C16orf96: variants seen among roughly 807,000 people sequenced by gnomAD.
C16orf96 encodes the protein uncharacterized protein C16orf96.
In C16orf96, 108 loss-of-function variants were observed where a neutral mutation model predicts 103.6. The observed-to-expected ratio is 1.04, with a 90% CI of 0.89 to 1.22. The LOEUF (loss-of-function observed/expected upper bound fraction) is 1.22. C16orf96 is among the 50% of genes most tolerant of loss of function. C16orf96 has a pLI of 0.00. For missense variants in C16orf96, 1,586 were observed against 1,464.2 expected, an observed-to-expected ratio of 1.08 and a Z score of -1.36; for synonymous variants, 566 against 593.5, an observed-to-expected ratio of 0.95 and a Z score of 0.67.
At chr16:4,562,749 A>C (rs562566934) in intron 1 of C16orf96, 73 of 720,700 alleles carry the variant, frequency 1.0e-4, no homozygotes, top group Middle Eastern at 4.4e-4. Flanking sequence ...AACAAAAGCC[A>C]ATGTAAAAAG....
At chr16:4,544,508 G>A in the C16orf96 span, among the ~76,000 whole-genome samples, 1 of 152,202 alleles carries the variant, frequency 6.6e-6, no homozygotes, top group Non-Finnish European at 1.5e-5. Context: ...TCCAGAGACT[G>A]AGGTGGGAGG....
At chr16:4,554,745 C>T (rs1018583391), upstream of C16orf96, among the ~76,000 whole-genome samples, 5 of 151,738 alleles carry the variant, frequency 3.3e-5, no homozygotes, top group Admixed American at 1.3e-4. Context: ...CTCTGCCTCC[C>T]GGGTTCAAGT....
chr16:4,563,280 C>T (rs1386878877), intron 1 of C16orf96, among the ~76,000 whole-genome samples: 1 of 152,140 alleles, frequency 6.6e-6, no homozygotes, highest in Non-Finnish European at 1.5e-5. Flanking sequence ...GGCAGGGTCT[C>T]ACTCTGTCGC....
intron 2 of C16orf96, among the ~76,000 whole-genome samples, chr16:4,573,159 G>A (rs906811417): frequency 6.6e-6 from 1 of 152,000 alleles, no homozygotes; most frequent in Non-Finnish European, 1.5e-5. Flanking sequence ...CCTTCTCGGC[G>A]GGGCCTGGTG....
chr16:4,598,106 C>T (rs1252762804), intron 14 of C16orf96, among the ~76,000 whole-genome samples: 2 of 152,154 alleles, frequency 1.3e-5, no homozygotes, highest in Admixed American at 1.3e-4. Flanking sequence ...AATCCCAGCA[C>T]TTTGGGAAGC....
At position 4,588,235 on chromosome 16, in the gene C16orf96, G is replaced by C. The variant is rs373780891; in HGVS notation, c.2496G>C (p.Leu832=). 6.4e-7 allele frequency: 1 copy of C among 1,551,584 alleles called. No individual in the cohort carries two copies. Among genetic ancestry groups the C allele is most frequent in the African/African-American group, 1.4e-5 (1 of 73,050 alleles). ...ACCTGGAGACTGTGGCCTTGGAGCT[G>C]AACGAGATGATTCAGGGCATACTCT... is the stretch of plus-strand genomic sequence containing the variant. ...RVDLETVALE[L]NEMIQGILFK... Residue 832 remains leucine (L), a synonymous_variant, in exon 9 of 16, where the codon CTG becomes CTC. Transcript: ENST00000444310.
chr16:4,570,401 A>C (rs1339071043), intron 1 of C16orf96, among the ~76,000 whole-genome samples: 1 of 150,414 alleles, frequency 6.6e-6, no homozygotes, highest in African/African-American at 2.4e-5. Context: ...TATATCTTCC[A>C]GATAGTTTGG....
rs1244044047 is a variant in C16orf96, at chr16:4,576,515, A to G, written c.2035A>G (p.Lys679Glu). Reference protein sequence around the residue: ...ATKQAMSPEDKKRAVKYSMSH... With the variant: ...ATKQAMSPEDEKRAVKYSMSH... ...CAAGCAGGCCATGAGCCCTGAAGAC[A>G]AGAAGAGGGCTGTCAAGTATTCCAT... The change falls in exon 5 of 16, where the codon AAG (lysine) becomes GAG (glutamate). Residue 679 changes from lysine (K) to glutamate (E), a missense_variant. Lys to Glu is a moderately conservative substitution (Grantham distance 56, BLOSUM62 1). Coordinates refer to ENST00000444310, the MANE Select transcript of C16orf96 (RefSeq NM_001145011.2). 1.9e-6 allele frequency: 3 copies of G among 1,551,576 alleles called. No homozygotes were observed. In the South Asian group the frequency reaches 3.6e-5, roughly 18 times the overall value.
intron 1 of C16orf96, among the ~76,000 whole-genome samples, chr16:4,559,660 C>T (rs1350240667): frequency 6.6e-6 from 1 of 152,130 alleles, no homozygotes; most frequent in Non-Finnish European, 1.5e-5. Flanking sequence ...AATTCGGTGG[C>T]ACACGATATA....
In C16orf96 at chr16:4,587,641, A is replaced by G. The variant is rs113952488; in HGVS notation, c.2428-526A>G. On this transcript the variant is annotated intron_variant, in intron 8 of 15. Coordinates refer to ENST00000444310, the MANE Select transcript of C16orf96 (RefSeq NM_001145011.2). ...AGGATTATTAACACTCTACTTGAAA[A>G]TCACACATCAGCTGTGCACAGGGTG... Among the ~76,000 whole-genome samples the G allele has an allele frequency of 8.8e-3, 1,335 of 152,106 alleles. 16 individuals are homozygous for G. The highest frequency in any genetic ancestry group is 0.017 in the Admixed American group (266 of 15,244).
At position 4,600,333 on chromosome 16, in the gene C16orf96, GC is replaced by G. The variant is rs758600131; in HGVS notation, c.*22del. On this transcript the variant is annotated 3_prime_UTR_variant, in exon 16 of 16. Coordinates refer to ENST00000444310, the MANE Select transcript of C16orf96 (RefSeq NM_001145011.2). ...CAACCCGTGAGCCCCACCCCGCTGCGCCCCCCATCGCCAAGTCCCCTCCACG... is the reference window on the plus strand; with the variant it reads ...CAACCCGTGAGCCCCACCCCGCTGCGCCCCCATCGCCAAGTCCCCTCCACG... 5 of 1,499,830 alleles carry G rather than the reference GC, an allele frequency of 3.3e-6. No homozygotes were observed. The African/African-American group carries it at 4.6e-5, about 14-fold the overall frequency. The allele number at this position is 1,499,830 out of a possible 1,614,324, so 92.9% of individuals were successfully genotyped here.
chr16:4,588,261 T>G lies in C16orf96; in HGVS notation c.2522T>G (p.Phe841Cys). The G allele has an allele frequency of 6.4e-7, 1 of 1,551,688 alleles. No homozygotes were observed. Among genetic ancestry groups the G allele is most frequent in the Non-Finnish European group, 8.7e-7 (1 of 1,147,004 alleles). The change falls in exon 9 of 16, where the codon TTC becomes TGC. Residue 841 changes from phenylalanine to cysteine, a missense_variant. Physicochemically the swap from Phe to Cys is radical, Grantham distance 205 (BLOSUM62 -2). Coordinates refer to ENST00000444310, the MANE Select transcript of C16orf96 (RefSeq NM_001145011.2). ...ELNEMIQGIL[F>C]KVTIHEDSWK... ...AACGAGATGATTCAGGGCATACTCT[T>G]CAAGGTCACGATCCATGAGGACAGC...
chr16:4,546,781 C>T, the C16orf96 span, among the ~76,000 whole-genome samples: 1 of 151,954 alleles, frequency 6.6e-6, no homozygotes, highest in Non-Finnish European at 1.5e-5. Context: ...CTCTGGTTTT[C>T]TTTGACACAA....
intron 1 of C16orf96, among the ~76,000 whole-genome samples, chr16:4,570,572 C>A (rs2059427236): frequency 6.7e-6 from 1 of 150,350 alleles, no homozygotes; most frequent in South Asian, 2.1e-4. Context: ...TCAAGTGATT[C>A]TCCTGCCCCA....
In C16orf96 at chr16:4,594,818, G is replaced by A. The variant is rs774595867; in HGVS notation, c.3127+15G>A. 4 of 1,548,650 alleles carry A rather than the reference G, an allele frequency of 2.6e-6. No individual in the cohort carries two copies. Among genetic ancestry groups the A allele is most frequent in the Non-Finnish European group, 3.5e-6 (4 of 1,146,266 alleles). On this transcript the variant is annotated intron_variant, in intron 14 of 15. Coordinates refer to ENST00000444310, the MANE Select transcript of C16orf96 (RefSeq NM_001145011.2). The stretch of plus-strand genomic sequence containing the variant: ...GGAGCTGGCAGGTGAGGGGCGTAGG[G>A]CTCCCTGGGGCACCCTTGCCTGGGG...
intron 7 of C16orf96, among the ~76,000 whole-genome samples, chr16:4,582,389 T>C (rs778301489): frequency 3.3e-5 from 5 of 152,054 alleles, no homozygotes; most frequent in African/African-American, 7.2e-5. Context: ...TGGGATGCAC[T>C]GGGGTGTGTT....
In C16orf96 at chr16:4,574,753, A is replaced by G; in HGVS notation, c.570A>G (p.Ile190Met). The G allele has an allele frequency of 6.4e-7, 1 of 1,551,866 alleles. No homozygotes were observed. Among genetic ancestry groups the G allele is most frequent in the South Asian group, 1.2e-5 (1 of 84,062 alleles). Residue 190 changes from isoleucine (I) to methionine (M), a missense_variant, in exon 3 of 16, where the codon ATA (isoleucine) becomes ATG (methionine). Coordinates refer to ENST00000444310, the MANE Select transcript of C16orf96 (RefSeq NM_001145011.2). ...RMDIFAEDFK[I>M]QNWKMVALQR... ...ACATCTTTGCTGAAGACTTCAAAAT[A>G]CAGAACTGGAAGATGGTTGCACTGC...
In C16orf96 at chr16:4,575,833, C is replaced by A. The variant is rs774710898; in HGVS notation, c.1353C>A (p.Leu451=). The A allele has an allele frequency of 1.3e-6, 2 of 1,551,198 alleles. No individual in the cohort carries two copies. The highest frequency in any genetic ancestry group is 1.4e-5 in the African/African-American group (1 of 73,132). The change falls in exon 5 of 16, where the codon CTC becomes CTA. Residue 451 remains leucine, a synonymous_variant. Coordinates refer to ENST00000444310, the MANE Select transcript of C16orf96 (RefSeq NM_001145011.2). ...CTCGCCAGGGAGAAGCCCTCCAGCT[C>A]GCAGCTGTCCAAGTAAAGGGGGAGG... ...YQSRQGEALQ[L]AAVQVKGEEN... is the part of the protein sequence containing the mutation.
chr16:4,562,513 A>G (rs2059343541), intron 1 of C16orf96, among the ~76,000 whole-genome samples: 1 of 150,172 alleles, frequency 6.7e-6, no homozygotes, highest in Non-Finnish European at 1.5e-5. Context: ...GTTCTTTTAT[A>G]TATTTACAAA....
Sources: gnomAD v4.1 joint callset for allele counts (sites outside exome capture counted in the v4.1 genomes callset) on GRCh38, gnomAD v4.1.1 for gene constraint, MANE v1.5 for transcripts, NCBI Gene and HGNC (gene_info 2026-07-23, HGNC 2026-07-21) for gene names.